ADAMTS15: variants seen among roughly 807,000 people sequenced by gnomAD.
ADAMTS15 encodes the protein A disintegrin and metalloproteinase with thrombospondin motifs 15.
A neutral mutation model predicts 79.1 loss-of-function variants in ADAMTS15; 35 were observed. The observed-to-expected ratio is 0.44, with a 90% CI of 0.34 to 0.59. The LOEUF (loss-of-function observed/expected upper bound fraction) is 0.59, where lower values mean the gene tolerates loss of function less well. Ranked by LOEUF, ADAMTS15 falls within the 20% of genes least tolerant of loss-of-function variation. The probability of loss-of-function intolerance (pLI) is 0.02; values close to 1 mark genes in which losing one functional copy is unlikely to be tolerated. For missense variants in ADAMTS15, 1,324 were observed against 1,318.7 expected (o/e 1.00, Z -0.06); for synonymous variants, 616 against 567.3 (o/e 1.09, Z -1.22).
intron 1 of ADAMTS15, among the ~76,000 whole-genome samples, chr11:130,460,946 A>G (rs1018884336): frequency 2.0e-5 from 3 of 152,146 alleles, no homozygotes; most frequent in South Asian, 2.1e-4. Flanking sequence ...GTCCACCTCA[A>G]TGCTTCCTCC....
chr11:130,467,805 A>G (rs1938333527), intron 4 of ADAMTS15, among the ~76,000 whole-genome samples: 1 of 152,168 alleles, frequency 6.6e-6, no homozygotes, highest in African/African-American at 2.4e-5. Flanking sequence ...AAGTCCTCCA[A>G]AACACTGCAC....
chr11:130,471,599 C>T lies in ADAMTS15; in HGVS notation c.2078+216C>T, dbSNP rs112692064. ...CATTCATTCTTTCAGCAAGCAAAGACGAATGCTGGGGGAAGACCCACTTAA... is the reference window on the plus strand; with the variant it reads ...CATTCATTCTTTCAGCAAGCAAAGATGAATGCTGGGGGAAGACCCACTTAA... On this transcript the variant is annotated intron_variant, in intron 7 of 7. Coordinates refer to ENST00000299164, the MANE Select transcript of ADAMTS15 (RefSeq NM_139055.4). Among the ~76,000 whole-genome samples the T allele has an allele frequency of 3.0e-3, 450 of 152,144 alleles. 4 individuals are homozygous for T. Among genetic ancestry groups the T allele is most frequent in the African/African-American group, 0.01 (421 of 41,494 alleles).
At chr11:130,465,193 C>T (rs1315968725) in intron 4 of ADAMTS15, among the ~76,000 whole-genome samples, 1 of 152,058 alleles carries the variant, frequency 6.6e-6, no homozygotes, top group Non-Finnish European at 1.5e-5. Flanking sequence ...CTTCTCATTT[C>T]CCGACGGGGG....
chr11:130,470,197 T>TATATATATATATATAC, intron 5 of ADAMTS15, among the ~76,000 whole-genome samples: 3 of 64,728 alleles, frequency 4.6e-5, no homozygotes, highest in African/African-American at 2.3e-4. Flanking sequence ...TATATATATA[T>TATATATATATATATAC]ATATATATAT....
chr11:130,450,397 C>T, intron 1 of ADAMTS15: 2 of 985,462 alleles, frequency 2.0e-6, no homozygotes, highest in Non-Finnish European at 2.4e-6. Flanking sequence ...CCAAGGTCAG[C>T]GCTTGCTACA....
intron 5 of ADAMTS15, among the ~76,000 whole-genome samples, chr11:130,470,160 A>ATATATATATATATATATATGTGTG (rs1565397672): frequency 1.7e-5 from 1 of 57,314 alleles, no homozygotes; most frequent in Admixed American, 1.6e-4. Context: ...ATGTGTATAT[A>ATATATATATATATATATATGTGTG]TATATATATA....
chr11:130,451,490 AG>A (rs1247059535), intron 1 of ADAMTS15, among the ~76,000 whole-genome samples: 1 of 152,200 alleles, frequency 6.6e-6, no homozygotes. Flanking sequence ...AGCCTCTGCA[AG>A]CACTGCCTGA....
rs1938481423 is a variant in ADAMTS15, at chr11:130,472,680, C to CCTCCTCCT, written c.2079-366_2079-365insTCCTCCTC. On this transcript the variant is annotated intron_variant, in intron 7 of 7. Coordinates refer to ENST00000299164, the MANE Select transcript of ADAMTS15 (RefSeq NM_139055.4). The surrounding 1 kb of genome is among the most constrained non-coding windows in gnomAD (Gnocchi z 4.7). The stretch of plus-strand genomic sequence containing the variant: ...GGTGGACTTACTCCTCCCGCCCCAC[C>CCTCCTCCT]CCTCCTCCTCCTCCTCCTCCTCCTC... 6.9e-6 allele frequency among the ~76,000 whole-genome samples: 1 copy of CCTCCTCCT among 144,348 alleles called. No individual in the cohort carries two copies. Among genetic ancestry groups the CCTCCTCCT allele is most frequent in the Non-Finnish European group, 1.5e-5 (1 of 66,806 alleles). The allele number at this position is 144,348 out of a possible 152,430, so 94.7% of individuals were successfully genotyped here. A position where few individuals can be genotyped will look rare whatever the true frequency, so the allele number is the denominator to read the frequency against.
Position 130,472,901 on chromosome 11 carries a change from G to A in ADAMTS15, c.2079-146G>A. On this transcript the variant is annotated intron_variant, in intron 7 of 7. Transcript: ENST00000299164. This position sits in a 1 kb window ranked among gnomAD's most constrained non-coding sequence, Gnocchi z 4.7. ...TCCAGCACCAATCGCCAAGGGGCAG[G>A]GACCTCTCTGACTCCAAAACCTGTG... 2 of 1,184,302 alleles carry A rather than the reference G, an allele frequency of 1.7e-6. No individual in the cohort carries two copies. The highest frequency in any genetic ancestry group is 2.4e-6 in the Non-Finnish European group (2 of 840,396). The allele number at this position is 1,184,302 out of a possible 1,614,324, so 73.4% of individuals were successfully genotyped here. A position where few individuals can be genotyped will look rare whatever the true frequency, so the allele number is the denominator to read the frequency against.
intron 1 of ADAMTS15, among the ~76,000 whole-genome samples, chr11:130,460,689 T>G (rs896652575): frequency 1.3e-5 from 2 of 152,148 alleles, no homozygotes; most frequent in African/African-American, 4.8e-5. Flanking sequence ...GCTCAGTAAG[T>G]TCTTTGAGAT....
At chr11:130,454,751 C>T (rs1054415315) in intron 1 of ADAMTS15, among the ~76,000 whole-genome samples, 14 of 152,232 alleles carry the variant, frequency 9.2e-5, no homozygotes, top group African/African-American at 2.6e-4. Flanking sequence ...GATGAGTGCT[C>T]GCTCTCTTTA....
chr11:130,462,342 C>A lies in ADAMTS15; in HGVS notation c.1258+88C>A. 1 of 1,512,634 alleles carries A rather than the reference C, an allele frequency of 6.6e-7. No individual in the cohort carries two copies. Among genetic ancestry groups the A allele is most frequent in the South Asian group, 1.3e-5 (1 of 77,380 alleles). 93.7% of individuals were successfully genotyped at this position (1,512,634 alleles called of 1,614,324 possible). Reference sequence around the variant, plus strand: ...GTGGAGGTGCTCACTTCTCCGTCCTCTGTACATTAGGTGTGTGTGCCCCCT... The same window carrying A: ...GTGGAGGTGCTCACTTCTCCGTCCTATGTACATTAGGTGTGTGTGCCCCCT... On this transcript the variant is annotated intron_variant, in intron 3 of 7. Coordinates refer to ENST00000299164, the MANE Select transcript of ADAMTS15 (RefSeq NM_139055.4). This position sits in a 1 kb window ranked among gnomAD's most constrained non-coding sequence, Gnocchi z 4.3.
In ADAMTS15 at chr11:130,462,553, G is replaced by T. The variant is rs764420572; in HGVS notation, c.1315G>T (p.Gly439Cys). The T allele has an allele frequency of 1.9e-6, 3 of 1,611,666 alleles. No individual in the cohort carries two copies. In the Admixed American group the frequency reaches 5.0e-5, roughly 27 times the overall value. Reference protein sequence around the residue: ...KPISLPEDLPGASYTLSQQCE... With the variant: ...KPISLPEDLPCASYTLSQQCE... ...CATCTCCCTGCCCGAGGATCTGCCG[G>T]GCGCCAGCTACACCCTGAGCCAGCA... Residue 439 changes from glycine to cysteine, a missense_variant, in exon 4 of 8, where the codon GGC becomes TGC. Transcript: ENST00000299164. This position sits in a 1 kb window ranked among gnomAD's most constrained non-coding sequence, Gnocchi z 4.3.
chr11:130,470,193 T>TATATATACAC (rs1565397895), intron 5 of ADAMTS15, among the ~76,000 whole-genome samples: 5 of 53,128 alleles, frequency 9.4e-5, no homozygotes, highest in Non-Finnish European at 1.9e-4. Flanking sequence ...TGTGTATATA[T>TATATATACAC]ATATATATAT....
At position 130,449,813 on chromosome 11, in the gene ADAMTS15, G is replaced by T; in HGVS notation, c.840G>T (p.Lys280Asn). The T allele has an allele frequency of 6.2e-7, 1 of 1,611,072 alleles. No individual in the cohort carries two copies. Reference protein sequence around the residue: ...LLLRDRDSGPKVTGNAALTLR... With the variant: ...LLLRDRDSGPNVTGNAALTLR... The stretch of plus-strand genomic sequence containing the variant: ...TTAGAGATCGTGACTCCGGGCCCAA[G>T]GTCACCGGCAATGCGGCCCTGACGC... Residue 280 changes from lysine (K) to asparagine (N), a missense_variant, in exon 1 of 8, where the codon AAG becomes AAT. Physicochemically the swap from Lys to Asn is moderately conservative, Grantham distance 94. Transcript: ENST00000299164. The surrounding 1 kb of genome is among the most constrained non-coding windows in gnomAD (Gnocchi z 7.8).
rs80249996 is a variant in ADAMTS15 at position 130,473,098 on chromosome 11, C to T, written c.2130C>T (p.Asp710=). The T allele has an allele frequency of 6.0e-4, 971 of 1,614,004 alleles. 6 individuals are homozygous for T. The African/African-American group carries it at 0.012, about 20-fold the overall frequency. Residue 710 remains aspartate, a synonymous_variant, in exon 8 of 8, where the codon GAC becomes GAT. Transcript: ENST00000299164. The stretch of plus-strand genomic sequence containing the variant: ...TCCCCGCAGGCGCCTCAAGCATCGA[C>T]ATCCGCCAGCGCGGTTACAAAGGGC... ...VAIPAGASSI[D]IRQRGYKGLI...
intron 4 of ADAMTS15, among the ~76,000 whole-genome samples, chr11:130,466,045 GT>G (rs1938294140): frequency 6.6e-6 from 1 of 151,902 alleles, no homozygotes; most frequent in African/African-American, 2.4e-5. Context: ...GCTAATTTTT[GT>G]ATTTTTAGTG....
chr11:130,473,750 C>T lies in ADAMTS15; in HGVS notation c.2782C>T (p.Leu928=). The change falls in exon 8 of 8, where the codon CTG becomes TTG. Residue 928 remains leucine (L), a synonymous_variant. Transcript: ENST00000299164. The stretch of plus-strand genomic sequence containing the variant: ...GTGTGTGGGCCACGGAGGCCGGCTG[C>T]TGGCCCGGGACCAGTGCAACTTGCA... The part of the protein sequence containing the change: ...LKCVGHGGRL[L]ARDQCNLHRK... The T allele has an allele frequency of 6.3e-7, 1 of 1,599,436 alleles. No homozygotes were observed.
intron 4 of ADAMTS15, among the ~76,000 whole-genome samples, 169 bp from the exon 5 acceptor site, chr11:130,469,093 T>G (rs1938368764): frequency 6.6e-6 from 1 of 152,102 alleles, no homozygotes; most frequent in African/African-American, 2.4e-5. Context: ...GTGGGCTTGG[T>G]GTGCACTGGC....
Sources: allele counts gnomAD v4.1 joint callset (sites outside exome capture counted in the v4.1 genomes callset), GRCh38; gene constraint gnomAD v4.1.1; non-coding constraint Gnocchi (gnomAD v3.1); transcripts MANE v1.5; gene names NCBI Gene and HGNC (gene_info 2026-07-23, HGNC 2026-07-21).